MYOF: variants seen among roughly 807,000 people sequenced by gnomAD.
The protein encoded by MYOF is myoferlin.
Under a neutral mutation model 284.2 loss-of-function variants are expected in MYOF, and 244 were observed. The ratio of observed to expected loss-of-function variants is 0.86; its 90% CI spans 0.77 to 0.95. The LOEUF (loss-of-function observed/expected upper bound fraction) is 0.95, where lower values mean the gene tolerates loss of function less well. Among genes scored for constraint, MYOF ranks in the 40% least tolerant of loss-of-function variants. The pLI is 0.00. For missense variants in MYOF, 2,496 were observed against 2,560.6 expected (o/e 0.97, Z 0.54); for synonymous variants, 904 against 919.7 (o/e 0.98, Z 0.31).
chr10:93,378,693 G>GTGTGTGTATATACATATATATATATA, intron 21 of MYOF, among the ~76,000 whole-genome samples: 1 of 87,894 alleles, frequency 1.1e-5, no homozygotes, highest in African/African-American at 4.8e-5. Context: ...GTGTGTGTGT[G>GTGTGTGTATATACATATATATATATA]TATATATATA....
rs114246361 is a variant in MYOF, at chr10:93,376,412, A to G, written c.2108+911T>C. ...CCCAGCTCTGGGCATCAGATATGTC[A>G]TTTCTCCTCTTTGGGCCTCTGTTTT... is the stretch of plus-strand genomic sequence containing the variant. On this transcript the variant is annotated intron_variant, in intron 22 of 53. Coordinates refer to ENST00000359263, the MANE Select transcript of MYOF (RefSeq NM_013451.4). Among the ~76,000 whole-genome samples, 148 of 152,266 alleles carry G rather than the reference A, an allele frequency of 9.7e-4. 1 individual carries two copies. Among genetic ancestry groups the G allele is most frequent in the African/African-American group, 3.4e-3 (142 of 41,552 alleles).
intron 45 of MYOF, among the ~76,000 whole-genome samples, chr10:93,326,484 G>A (rs1235660789): frequency 2.0e-5 from 3 of 152,224 alleles, no homozygotes; most frequent in Non-Finnish European, 4.4e-5. Flanking sequence ...AGGGACCTGG[G>A]TTCATGGAGC....
At chr10:93,355,234 T>C (rs1384047204) in intron 31 of MYOF, among the ~76,000 whole-genome samples, 1 of 152,262 alleles carries the variant, frequency 6.6e-6, no homozygotes, top group East Asian at 1.9e-4. Context: ...AAAAATCATA[T>C]TCAGTGATTT....
chr10:93,375,093 C>A (rs2298156), intron 22 of MYOF, 138 bp from the exon 23 acceptor site: 248,584 of 830,684 alleles, frequency 0.3, 46,660 homozygotes, highest in East Asian at 0.84. Context: ...ACAAGCACTG[C>A]CTGGTTTACG....
At chr10:93,355,058 T>C (rs787627) in intron 31 of MYOF, among the ~76,000 whole-genome samples, 51,541 of 152,040 alleles carry the variant, frequency 0.34, 9,286 homozygotes, top group Non-Finnish European at 0.41. Context: ...GTTAAAATTT[T>C]AATTTTGGGG....
rs917791266 is a variant in MYOF, at chr10:93,310,103, G to A, written c.6064C>T (p.Arg2022Cys). Residue 2022 changes from arginine to cysteine, a missense_variant, in exon 53 of 54, where the codon CGC becomes TGC. By Grantham distance (180) the Arg-to-Cys change is radical. Around this residue, in one of 3 missense-constraint regions of MYOF, gnomAD observed 2,436 missense variants for 2,480.7 expected, o/e 0.98. Transcript: ENST00000359263. ...CCGATGATGACCCACTTAAAGCGGC[G>A]CCACACGATGAACTTCATGGTCTTG... ...PCKTMKFIVWRRFKWVIIGLL... is the reference protein window; with the variant it reads ...PCKTMKFIVWCRFKWVIIGLL... 2.2e-5 allele frequency: 35 copies of A among 1,614,020 alleles called. No homozygotes were observed. The highest frequency in any genetic ancestry group is 5.0e-5 in the Admixed American group (3 of 59,996).
Position 93,387,861 on chromosome 10 carries a change from A to G in MYOF, c.1634T>C (p.Leu545Pro). The G allele has an allele frequency of 6.2e-7, 1 of 1,614,136 alleles. No individual in the cohort carries two copies. Among genetic ancestry groups the G allele is most frequent in the Non-Finnish European group, 8.5e-7 (1 of 1,180,024 alleles). Residue 545 changes from leucine (L) to proline (P), a missense_variant, in exon 19 of 54, where the codon CTT becomes CCT. Leu to Pro is a moderately conservative substitution (Grantham distance 98, BLOSUM62 -3). Around this residue, in one of 3 missense-constraint regions of MYOF, gnomAD observed 2,436 missense variants for 2,480.7 expected, o/e 0.98. Coordinates refer to ENST00000359263, the MANE Select transcript of MYOF (RefSeq NM_013451.4). ...CTTTTTATCTGGTGGTGTCTTCTCA[A>G]GAAAAGTGGCTAATTCAACCAAGAT... The part of the protein sequence containing the change: ...GRILVELATF[L>P]EKTPPDKKLE...
At chr10:93,430,241 C>T (rs946606740) in intron 4 of MYOF, among the ~76,000 whole-genome samples, 17 of 150,894 alleles carry the variant, frequency 1.1e-4, no homozygotes, top group Non-Finnish European at 2.1e-4. Context: ...GCAAGATGTA[C>T]TTATTGAGAG....
chr10:93,378,693 G>GTATATATATATATA (rs66859494), intron 21 of MYOF, among the ~76,000 whole-genome samples: 3,420 of 87,760 alleles, frequency 0.039, 143 homozygotes, highest in Non-Finnish European at 0.049. Context: ...GTGTGTGTGT[G>GTATATATATATATA]TATATATATA....
chr10:93,316,773 G>A lies in MYOF; in HGVS notation c.5639C>T (p.Pro1880Leu). The A allele has an allele frequency of 6.2e-7, 1 of 1,613,966 alleles. No individual in the cohort carries two copies. Among genetic ancestry groups the A allele is most frequent in the Non-Finnish European group, 8.5e-7 (1 of 1,179,936 alleles). ...WSIDQTEFRI[P>L]PRLIIQIWDN... is the part of the protein sequence containing the mutation. ...CCATATCTGAATGATCAGCCTGGGT[G>A]GGATTCGAAATTCCGTTTGGTCAAT... Residue 1880 changes from proline to leucine, a missense_variant, in exon 50 of 54, where the codon CCA becomes CTA. Pro to Leu is a moderately conservative substitution (Grantham distance 98). Coordinates refer to ENST00000359263, the MANE Select transcript of MYOF (RefSeq NM_013451.4).
rs775722887 is a variant in MYOF at position 93,397,444 on chromosome 10, T to C, written c.1234A>G (p.Ile412Val). 5.6e-6 allele frequency: 9 copies of C among 1,610,242 alleles called. No homozygotes were observed. The African/African-American group carries it at 1.1e-4, about 19-fold the overall frequency. ...SFAGKKVCTN[I>V]IEKNANPEWN... Reference sequence around the variant, plus strand: ...TCTGGGTTTGCATTTTTCTCAATTATGTTTGTACAAACCTGTAAAATCACC... The same window carrying C: ...TCTGGGTTTGCATTTTTCTCAATTACGTTTGTACAAACCTGTAAAATCACC... Residue 412 changes from isoleucine to valine, a missense_variant, in exon 14 of 54, where the codon ATA becomes GTA. By Grantham distance (29) the Ile-to-Val change is conservative. Transcript: ENST00000359263.
At position 93,319,856 on chromosome 10, in the gene MYOF, AT is replaced by A. The variant is rs1215509723; in HGVS notation, c.5598+15del. Reference sequence around the variant, plus strand: ...TCCATGATACCCACTTCCCAGCGGCATATTTCAGAGCTCACTTTTTTCGCAA... The same window carrying A: ...TCCATGATACCCACTTCCCAGCGGCAATTTCAGAGCTCACTTTTTTCGCAA... On this transcript the variant is annotated intron_variant, in intron 49 of 53. Coordinates refer to ENST00000359263, the MANE Select transcript of MYOF (RefSeq NM_013451.4). 6.2e-7 allele frequency: 1 copy of A among 1,613,850 alleles called. No individual in the cohort carries two copies. The highest frequency in any genetic ancestry group is 8.5e-7 in the Non-Finnish European group (1 of 1,179,990).
At chr10:93,374,130 T>C (rs1003988017) in intron 23 of MYOF, among the ~76,000 whole-genome samples, 1 of 152,160 alleles carries the variant, frequency 6.6e-6, no homozygotes, top group Non-Finnish European at 1.5e-5. Context: ...TCTGTCCTTG[T>C]GATAGTTTGC....
At chr10:93,369,110 C>CT (rs66923086) in intron 25 of MYOF, among the ~76,000 whole-genome samples, 5,573 of 78,202 alleles carry the variant, frequency 0.071, 496 homozygotes, top group Middle Eastern at 0.088. Flanking sequence ...ATTCAGACAG[C>CT]TTTTTTTTTT....
At chr10:93,339,579 C>T (rs977133275) in intron 39 of MYOF, among the ~76,000 whole-genome samples, 4 of 124,472 alleles carry the variant, frequency 3.2e-5, no homozygotes, top group Non-Finnish European at 5.2e-5. Context: ...AAGTGATTCT[C>T]GTGCCTCAGC....
In MYOF at chr10:93,411,305, G is replaced by C. The variant is rs916540888; in HGVS notation, c.434-1566C>G. On this transcript the variant is annotated intron_variant, in intron 5 of 53. Coordinates refer to ENST00000359263, the MANE Select transcript of MYOF (RefSeq NM_013451.4). ...CCGGCGGATTCAGTGTCTGGTGAGG[G>C]CCCACTTCTTGGTTTGCAGTTGGAG... is the stretch of plus-strand genomic sequence containing the variant. Among the ~76,000 whole-genome samples the C allele has an allele frequency of 1.3e-5, 2 of 152,164 alleles. 1 individual carries two copies. The highest frequency in any genetic ancestry group is 4.1e-4 in the South Asian group (2 of 4,824).
chr10:93,374,092 A>G (rs1845725044), intron 23 of MYOF, among the ~76,000 whole-genome samples: 1 of 152,090 alleles, frequency 6.6e-6, no homozygotes. Flanking sequence ...GTTCCCACCT[A>G]TGAGTGAGAA....
Position 93,325,881 on chromosome 10 carries a change from G to A in MYOF, c.5216C>T (p.Pro1739Leu). The A allele has an allele frequency of 5.6e-6, 9 of 1,614,128 alleles. No individual in the cohort carries two copies. The South Asian group carries it at 9.9e-5, about 18-fold the overall frequency. ...LHILRTQGLV[P>L]EHVETRTLHS... is the part of the protein sequence containing the mutation. ...CAAAGTCCTTGTTTCCACGTGCTCA[G>A]GGACCAGCCCCTGAGTCCTGAGGAT... Residue 1739 changes from proline to leucine, a missense_variant, in exon 46 of 54, where the codon CCT (proline) becomes CTT (leucine). Physicochemically the swap from Pro to Leu is moderately conservative, Grantham distance 98 (BLOSUM62 -3). This residue lies in a region of MYOF where 2,436 missense variants were observed against 2,480.7 expected (regional missense o/e 0.98). Coordinates refer to ENST00000359263, the MANE Select transcript of MYOF (RefSeq NM_013451.4).
At chr10:93,420,408 T>G (rs1422617002) in intron 5 of MYOF, among the ~76,000 whole-genome samples, 1 of 152,180 alleles carries the variant, frequency 6.6e-6, no homozygotes, top group East Asian at 1.9e-4. Context: ...GGGAACAGTC[T>G]TCCAGGGGGG....
Sources: allele counts gnomAD v4.1 joint callset (sites outside exome capture counted in the v4.1 genomes callset), GRCh38; gene constraint gnomAD v4.1.1; regional missense constraint gnomAD v4.1.1; transcripts MANE v1.5; gene names NCBI Gene and HGNC (gene_info 2026-07-23, HGNC 2026-07-21).